Variants in RIN2 observed in about 807,000 individuals in gnomAD.
The protein encoded by RIN2 is Ras and Rab interactor 2.
A neutral mutation model predicts 78.0 loss-of-function variants in RIN2; 36 were observed. The ratio of observed to expected loss-of-function variants is 0.46; its 90% CI spans 0.35 to 0.61. The LOEUF (loss-of-function observed/expected upper bound fraction) is 0.61, where lower values mean the gene tolerates loss of function less well. RIN2 is among the 20% of genes least tolerant of loss of function. RIN2 has a pLI of 0.00. For synonymous variants in RIN2, 466 were observed against 466.8 expected (o/e 1.00, Z 0.02); for missense variants, 1,087 against 1,159.7 (o/e 0.94, Z 0.91).
At chr20:19,938,600 A>G (rs576113267) in intron 4 of RIN2, among the ~76,000 whole-genome samples, 1 of 152,308 alleles carries the variant, frequency 6.6e-6, no homozygotes, top group African/African-American at 2.4e-5. Context: ...TTTAAAAAAT[A>G]TCTGTGCCTC....
At chr20:19,995,880 C>T (rs2042945933) in intron 11 of RIN2, among the ~76,000 whole-genome samples, 1 of 152,060 alleles carries the variant, frequency 6.6e-6, no homozygotes, top group Admixed American at 6.5e-5. Context: ...AAAGAAAAAG[C>T]CAAGAGCAAG....
At chr20:19,871,670 G>A (rs1422058894) in intron 2 of RIN2, among the ~76,000 whole-genome samples, 1 of 152,158 alleles carries the variant, frequency 6.6e-6, no homozygotes, top group East Asian at 1.9e-4. Context: ...AACAAAGATA[G>A]ATCAGTGCTA....
At chr20:19,905,436 G>A (rs1479359794) in intron 3 of RIN2, among the ~76,000 whole-genome samples, 2 of 152,198 alleles carry the variant, frequency 1.3e-5, no homozygotes, top group African/African-American at 4.8e-5. Flanking sequence ...TGAAAGTCAA[G>A]TTCTGGCTGG....
At chr20:19,994,282 A>C (rs2042888634) in intron 11 of RIN2, among the ~76,000 whole-genome samples, 1 of 152,218 alleles carries the variant, frequency 6.6e-6, no homozygotes, top group South Asian at 2.1e-4. Flanking sequence ...CATCGAACTG[A>C]AGCTATGCAG....
Position 19,952,347 on chromosome 20 carries a change from G to A in RIN2, c.159-4268G>A, listed in dbSNP as rs139273323. On this transcript the variant is annotated intron_variant, in intron 4 of 12. Coordinates refer to ENST00000255006, the MANE Select transcript of RIN2 (RefSeq NM_018993.4). ...GGGCATGGGTGCCTGCCCTAGAGGA[G>A]GGGCTCTAGGTGGAGCACCAGTAGC... is the stretch of plus-strand genomic sequence containing the variant. 5.3e-5 allele frequency among the ~76,000 whole-genome samples: 8 copies of A among 152,320 alleles called. No individual in the cohort carries two copies. In the East Asian group the frequency reaches 1.5e-3, roughly 29 times the overall value.
intron 1 of RIN2, among the ~76,000 whole-genome samples, chr20:19,763,798 G>A (rs1260950211): frequency 6.6e-6 from 1 of 152,150 alleles, no homozygotes; most frequent in Non-Finnish European, 1.5e-5. Context: ...ATGTAGGAAT[G>A]GTTATAAAGG....
intron 2 of RIN2, among the ~76,000 whole-genome samples, chr20:19,857,744 G>A (rs1807186770): frequency 3.9e-5 from 6 of 152,068 alleles, no homozygotes; most frequent in Admixed American, 3.9e-4. Context: ...CCAGCTACTT[G>A]GGAGACTGAG....
intron 6 of RIN2, among the ~76,000 whole-genome samples, chr20:19,961,326 C>T (rs2041739313): frequency 6.6e-6 from 1 of 152,136 alleles, no homozygotes; most frequent in South Asian, 2.1e-4. Context: ...TTTTGATGAA[C>T]ATTTTGAAGG....
chr20:19,953,855 A>ATATTCACTTCCC (rs1445748984), intron 4 of RIN2, among the ~76,000 whole-genome samples: 2 of 152,164 alleles, frequency 1.3e-5, no homozygotes, highest in Non-Finnish European at 2.9e-5. Context: ...TTAACTGCAA[A>ATATTCACTTCCC]TATTCACTTC....
At chr20:19,965,134 G>T in intron 7 of RIN2, 110 bp downstream of exon 7, 1 of 860,446 alleles carries the variant, frequency 1.2e-6, no homozygotes, top group Non-Finnish European at 1.9e-6. Context: ...TTTGATGTTG[G>T]CAGATTAAGA....
intron 1 of RIN2, among the ~76,000 whole-genome samples, chr20:19,765,052 G>T (rs891858417): frequency 6.7e-6 from 1 of 149,608 alleles, no homozygotes; most frequent in Non-Finnish European, 1.5e-5. Context: ...GTTTCACCAT[G>T]TTGGCCAGGC....
chr20:19,934,487 C>A (rs1473411111), intron 3 of RIN2: 8 of 985,142 alleles, frequency 8.1e-6, no homozygotes, highest in Non-Finnish European at 9.6e-6. Context: ...GGCCCTGGGG[C>A]CCACTCCCCT....
At chr20:19,853,997 G>T (rs1383821432) in intron 2 of RIN2, among the ~76,000 whole-genome samples, 1 of 152,210 alleles carries the variant, frequency 6.6e-6, no homozygotes, top group African/African-American at 2.4e-5. Flanking sequence ...TTCTTCTAGG[G>T]TTTTGATGGT....
intron 2 of RIN2, chr20:19,889,350 T>C: frequency 1.6e-6 from 2 of 1,238,490 alleles, no homozygotes; most frequent in Non-Finnish European, 2.0e-6. Context: ...GTGGCAGAGG[T>C]GGGAGGTGGG....
At chr20:19,779,833 C>G (rs1184967754) in intron 1 of RIN2, among the ~76,000 whole-genome samples, 1 of 152,064 alleles carries the variant, frequency 6.6e-6, no homozygotes, top group Non-Finnish European at 1.5e-5. Context: ...TTTATTGTTA[C>G]CAGCATGTTT....
At chr20:19,878,121 G>A (rs2037913376) in intron 2 of RIN2, among the ~76,000 whole-genome samples, 1 of 152,176 alleles carries the variant, frequency 6.6e-6, no homozygotes, top group Admixed American at 6.5e-5. Flanking sequence ...TATGCACTTT[G>A]TCCTATCCTA....
intron 2 of RIN2, among the ~76,000 whole-genome samples, chr20:19,836,486 T>G (rs535762210): frequency 6.6e-6 from 1 of 152,322 alleles, no homozygotes; most frequent in African/African-American, 2.4e-5. Context: ...TCTAACTTAA[T>G]TCCTCACAGT....
intron 2 of RIN2, among the ~76,000 whole-genome samples, chr20:19,869,907 C>T (rs2037637043): frequency 6.6e-6 from 1 of 151,962 alleles, no homozygotes; most frequent in South Asian, 2.1e-4. Context: ...CTGGGCGTCC[C>T]AAAGCATTGG....
intron 9 of RIN2, among the ~76,000 whole-genome samples, chr20:19,987,324 C>A (rs2042652469): frequency 6.6e-6 from 1 of 152,146 alleles, no homozygotes; most frequent in Admixed American, 6.5e-5. Flanking sequence ...CCCGTGGTGA[C>A]CCTATTTTAA....
Sources: gnomAD v4.1 joint callset for allele counts (sites outside exome capture counted in the v4.1 genomes callset) on GRCh38, gnomAD v4.1.1 for gene constraint, MANE v1.5 for transcripts, NCBI Gene and HGNC (gene_info 2026-07-23, HGNC 2026-07-21) for gene names.